The following DLGAP2 variants were observed in gnomAD, a reference collection of about 807,000 sequenced individuals.
The protein encoded by DLGAP2 is disks large-associated protein 2.
DLGAP2 carries 26 observed loss-of-function variants against 100.3 expected under a neutral mutation model. The observed-to-expected ratio is 0.26, with a 90% confidence interval of 0.19 to 0.36. The LOEUF (loss-of-function observed/expected upper bound fraction) is 0.36, where lower values mean the gene tolerates loss of function less well. Ranked by LOEUF, DLGAP2 falls within the 10% of genes least tolerant of loss-of-function variation. The probability of loss-of-function intolerance (pLI) is 1.00; values close to 1 mark genes in which losing one functional copy is unlikely to be tolerated. For missense variants in DLGAP2, 1,858 were observed against 1,453.2 expected, an observed-to-expected ratio of 1.28 and a Z score of -4.53; for synonymous variants, 886 against 630.1, an observed-to-expected ratio of 1.41 and a Z score of -6.08.
chr8:1,512,963 G>A (rs1800224645), intron 4 of DLGAP2, among the ~76,000 whole-genome samples: 1 of 152,242 alleles, frequency 6.6e-6, no homozygotes, highest in Non-Finnish European at 1.5e-5. Flanking sequence ...GATGGGAGAG[G>A]CCACAGGCCA....
chr8:1,166,132 C>G (rs182741110), intron 2 of DLGAP2, among the ~76,000 whole-genome samples: 5 of 152,352 alleles, frequency 3.3e-5, no homozygotes, highest in African/African-American at 4.8e-5. Flanking sequence ...GCCAGGGCAT[C>G]AGCCCTGTCC....
intron 1 of DLGAP2, among the ~76,000 whole-genome samples, chr8:743,453 A>G (rs975177881): frequency 6.6e-6 from 1 of 152,264 alleles, no homozygotes; most frequent in African/African-American, 2.4e-5. Context: ...ACAGTTAAAA[A>G]TACAGAAGTA....
intron 2 of DLGAP2, among the ~76,000 whole-genome samples, chr8:1,197,304 T>C (rs780191807): frequency 8.3e-5 from 12 of 145,226 alleles, no homozygotes; most frequent in Non-Finnish European, 1.4e-4. Context: ...TCCCTGTCCA[T>C]GCTGACACAG....
chr8:1,136,276 C>T (rs1483301008), intron 2 of DLGAP2, among the ~76,000 whole-genome samples: 2 of 151,270 alleles, frequency 1.3e-5, no homozygotes, highest in East Asian at 1.9e-4. Context: ...CTCTCATTTA[C>T]CAGCGAATAG....
At chr8:827,108 A>G (rs1294096502) in intron 1 of DLGAP2, among the ~76,000 whole-genome samples, 2 of 152,178 alleles carry the variant, frequency 1.3e-5, no homozygotes, top group Non-Finnish European at 2.9e-5. Flanking sequence ...GTTTACTTCC[A>G]GCATCTGATG....
intron 2 of DLGAP2, among the ~76,000 whole-genome samples, chr8:1,126,811 C>T (rs554029830): frequency 1.3e-5 from 2 of 152,108 alleles, no homozygotes; most frequent in African/African-American, 4.8e-5. Context: ...GAGACTCCCA[C>T]GGGCTCTGGA....
At chr8:980,643 A>C (rs1167219599) in intron 2 of DLGAP2, among the ~76,000 whole-genome samples, 1 of 152,200 alleles carries the variant, frequency 6.6e-6, no homozygotes, top group East Asian at 1.9e-4. Context: ...GTGGGCAGGT[A>C]AGAGGAGGAG....
At chr8:872,184 G>A (rs897937673) in intron 1 of DLGAP2, among the ~76,000 whole-genome samples, 5 of 151,868 alleles carry the variant, frequency 3.3e-5, no homozygotes, top group African/African-American at 1.2e-4. Context: ...TTATTCTAAG[G>A]TTCATTTTTA....
At chr8:1,023,329 C>A (rs1801681565) in intron 2 of DLGAP2, among the ~76,000 whole-genome samples, 1 of 152,120 alleles carries the variant, frequency 6.6e-6, no homozygotes, top group African/African-American at 2.4e-5. Flanking sequence ...GTTCAGCTGT[C>A]TTCGCTCCTC....
chr8:1,283,863 G>T (rs741805), intron 3 of DLGAP2, among the ~76,000 whole-genome samples: 120,894 of 152,246 alleles, frequency 0.79, 48,334 homozygotes, highest in African/African-American at 0.9. Flanking sequence ...ATCGTTCGTG[G>T]GATACAATCA....
At chr8:855,305 T>C (rs1387093014) in intron 1 of DLGAP2, among the ~76,000 whole-genome samples, 1 of 151,158 alleles carries the variant, frequency 6.6e-6, no homozygotes, top group Non-Finnish European at 1.5e-5. Context: ...CTCTGTTTTC[T>C]ATTAATTCAT....
intron 3 of DLGAP2, among the ~76,000 whole-genome samples, chr8:1,417,726 G>GGC (rs1796967566): frequency 7.0e-6 from 1 of 142,484 alleles, no homozygotes; most frequent in African/African-American, 2.6e-5. Flanking sequence ...CGAGGCTCCA[G>GGC]ACACAGAAGC....
intron 3 of DLGAP2, among the ~76,000 whole-genome samples, chr8:1,306,330 C>T (rs190756192): frequency 6.6e-6 from 1 of 152,072 alleles, no homozygotes; most frequent in East Asian, 1.9e-4. Context: ...TAAATAATTG[C>T]ATTTATAATC....
At chr8:1,323,583 G>T (rs73170455) in intron 3 of DLGAP2, among the ~76,000 whole-genome samples, 3 of 152,340 alleles carry the variant, frequency 2.0e-5, no homozygotes, top group Non-Finnish European at 4.4e-5. Context: ...CGTGGGGCAG[G>T]CAGCAGCAGC....
At chr8:1,677,927 G>A (rs146886016) in intron 11 of DLGAP2, among the ~76,000 whole-genome samples, 2 of 152,352 alleles carry the variant, frequency 1.3e-5, no homozygotes, top group East Asian at 3.9e-4. Context: ...GCTAATGGTG[G>A]TTTCAAGAAA....
chr8:1,201,481 A>G (rs1797872890), intron 2 of DLGAP2, among the ~76,000 whole-genome samples: 4 of 152,196 alleles, frequency 2.6e-5, no homozygotes. Flanking sequence ...AGCCTCCAGA[A>G]GGAAGCCAGG....
chr8:1,391,964 A>G (rs975020931), intron 3 of DLGAP2, among the ~76,000 whole-genome samples: 37 of 152,200 alleles, frequency 2.4e-4, no homozygotes, highest in African/African-American at 8.9e-4. Flanking sequence ...CATTGTTGTG[A>G]TGCTGTAGGA....
chr8:804,219 T>C (rs1211928852), intron 1 of DLGAP2, among the ~76,000 whole-genome samples: 3 of 152,240 alleles, frequency 2.0e-5, no homozygotes, highest in South Asian at 2.1e-4. Flanking sequence ...AGAGCTATTC[T>C]AGATTTTTCC....
intron 3 of DLGAP2, among the ~76,000 whole-genome samples, chr8:1,475,827 G>C (rs1337900473): frequency 6.6e-6 from 1 of 152,080 alleles, no homozygotes; most frequent in East Asian, 1.9e-4. Flanking sequence ...ATTACTCTTT[G>C]TAACCAAATG....
Sources: allele counts gnomAD v4.1 joint callset (sites outside exome capture counted in the v4.1 genomes callset), GRCh38; gene constraint gnomAD v4.1.1; transcripts MANE v1.5; gene names NCBI Gene and HGNC (gene_info 2026-07-23, HGNC 2026-07-21).